The following PLCB3 variants were observed in gnomAD, a reference collection of about 807,000 sequenced individuals.
The protein encoded by PLCB3 is phospholipase C beta 3, also known as 1-phosphatidylinositol 4,5-bisphosphate phosphodiesterase beta-3.
Under a neutral mutation model 152.1 loss-of-function variants are expected in PLCB3, and 54 were observed. The observed-to-expected ratio is 0.36, with a 90% CI of 0.29 to 0.45. The LOEUF (loss-of-function observed/expected upper bound fraction) is 0.45. PLCB3 is among the 20% of genes least tolerant of loss of function. PLCB3 has a pLI of 1.00. For synonymous variants in PLCB3, 717 were observed against 698.7 expected, an observed-to-expected ratio of 1.03 and a Z score of -0.41; for missense variants, 1,248 against 1,687.5, an observed-to-expected ratio of 0.74 and a Z score of 4.56.
At chr11:64,267,969 G>GT (rs1044523556), downstream of PLCB3, 9 of 170,578 alleles carry the variant, frequency 5.3e-5, no homozygotes, top group Admixed American at 5.2e-4. This position sits in a 1 kb window ranked among gnomAD's most constrained non-coding sequence, Gnocchi z 5.2. Flanking sequence ...TGGGCCCTAA[G>GT]TTTCCTCATC....
Position 64,263,806 on chromosome 11 carries a change from G to T in PLCB3, c.2560+11G>T, listed in dbSNP as rs750293277. On this transcript the variant is annotated intron_variant, in intron 21 of 30. Transcript: ENST00000279230. The stretch of plus-strand genomic sequence containing the variant: ...CTGACGACCACCAGGGTGAGCTGGG[G>T]GTGGGCGGGGCCTGCCTGGCCAGGG... 2 of 1,606,084 alleles carry T rather than the reference G, an allele frequency of 1.2e-6. No homozygotes were observed. The highest frequency in any genetic ancestry group is 3.3e-5 in the Admixed American group (2 of 60,002).
intron 1 of PLCB3, 35 bp downstream of exon 1, chr11:64,251,783 G>A (rs2031214642): frequency 8.0e-7 from 1 of 1,243,630 alleles, no homozygotes; most frequent in Non-Finnish European, 1.1e-6. Flanking sequence ...CCCAAATCCC[G>A]GGACTCTTTC....
Position 64,260,053 on chromosome 11 carries a change from C to G in PLCB3, c.1550C>G (p.Pro517Arg). ...GGGTCTCCCAGCTCTGACAGCTGCC[C>G]AGGCCTGAGCAATGGGGAGGAGGTA... ...QLGSPSSDSC[P>R]GLSNGEEVGL... Residue 517 changes from proline (P) to arginine (R), a missense_variant, in exon 14 of 31, where the codon CCA (proline) becomes CGA (arginine). Pro to Arg is a moderately radical substitution (Grantham distance 103, BLOSUM62 -2). Transcript: ENST00000279230. 3 of 1,611,356 alleles carry G rather than the reference C, an allele frequency of 1.9e-6. No homozygotes were observed. The highest frequency in any genetic ancestry group is 1.1e-5 in the South Asian group (1 of 90,732).
Position 64,266,305 on chromosome 11 carries a change from G to T in PLCB3, c.3267-10G>T. 1 of 1,613,606 alleles carries T rather than the reference G, an allele frequency of 6.2e-7. No individual in the cohort carries two copies. The highest frequency in any genetic ancestry group is 8.5e-7 in the Non-Finnish European group (1 of 1,179,894). On this transcript the variant is annotated splice_polypyrimidine_tract_variant and intron_variant, in intron 27 of 30. Transcript: ENST00000279230. This position sits in a 1 kb window ranked among gnomAD's most constrained non-coding sequence, Gnocchi z 4.9. Reference sequence around the variant, plus strand: ...GCTGACCCCTCCTCTTCCCCTGCCGGCTTCTCCAGGGAGAAGAAGGAGCTG... The same window carrying T: ...GCTGACCCCTCCTCTTCCCCTGCCGTCTTCTCCAGGGAGAAGAAGGAGCTG...
At chr11:64,267,970 T>A (rs2032216295), downstream of PLCB3, 1 of 169,434 alleles carries the variant, frequency 5.9e-6, no homozygotes, top group Admixed American at 5.8e-5. The surrounding 1 kb of genome is among the most constrained non-coding windows in gnomAD (Gnocchi z 5.2). Context: ...GGGCCCTAAG[T>A]TTCCTCATCT....
At chr11:64,257,493 T>C (rs981726649) in intron 10 of PLCB3, among the ~76,000 whole-genome samples, 1 of 152,016 alleles carries the variant, frequency 6.6e-6, no homozygotes, top group Admixed American at 6.6e-5. Context: ...GGCGCATGCC[T>C]GTGGTCCTAG....
At chr11:64,259,325 A>G in intron 13 of PLCB3, 81 bp downstream of exon 13, 2 of 1,171,944 alleles carry the variant, frequency 1.7e-6, no homozygotes, top group Non-Finnish European at 2.3e-6. Context: ...ACTTCATCCC[A>G]GACCCCCAGC....
At position 64,267,106 on chromosome 11, in the gene PLCB3, C is replaced by A; in HGVS notation, c.3415-79C>A. 1 of 1,350,714 alleles carries A rather than the reference C, an allele frequency of 7.4e-7. No homozygotes were observed. Among genetic ancestry groups the A allele is most frequent in the Non-Finnish European group, 1.0e-6 (1 of 967,604 alleles). 83.7% of individuals were successfully genotyped at this position (1,350,714 alleles called of 1,614,324 possible). A position where few individuals can be genotyped will look rare whatever the true frequency, so the allele number is the denominator to read the frequency against. Reference sequence around the variant, plus strand: ...ACTGCACCCGGCCTCGCCCACCTGACTTCTATACCCAGCCAGAGCCTCGAG... The same window carrying A: ...ACTGCACCCGGCCTCGCCCACCTGAATTCTATACCCAGCCAGAGCCTCGAG... On this transcript the variant is annotated intron_variant, in intron 29 of 30. Transcript: ENST00000279230. The surrounding 1 kb of genome is among the most constrained non-coding windows in gnomAD (Gnocchi z 5.2).
intron 10 of PLCB3, among the ~76,000 whole-genome samples, chr11:64,257,041 G>A (rs1190973779): frequency 1.0e-5 from 1 of 97,398 alleles, no homozygotes; most frequent in African/African-American, 4.4e-5. Flanking sequence ...TTTCGCTCTT[G>A]TTGCCCAGGC....
At chr11:64,253,418 G>A (rs1003493460) in intron 1 of PLCB3, among the ~76,000 whole-genome samples, 3 of 152,224 alleles carry the variant, frequency 2.0e-5, no homozygotes, top group Non-Finnish European at 4.4e-5. Flanking sequence ...GATGCTAGGT[G>A]CATAGAACTG....
chr11:64,260,117 G>A lies in PLCB3; in HGVS notation c.1614G>A (p.Leu538=). Residue 538 remains leucine (L), a synonymous_variant, in exon 14 of 31, where the codon CTG becomes CTA. Transcript: ENST00000279230. ...CCAGCCTGGAGCCTCAGAAGTCTCT[G>A]GGTGACGAGGGCCTGAACCGAGGCC... The part of the protein sequence containing the change: ...EKPSLEPQKS[L]GDEGLNRGPY... 6.2e-7 allele frequency: 1 copy of A among 1,612,042 alleles called. No individual in the cohort carries two copies. The highest frequency in any genetic ancestry group is 8.5e-7 in the Non-Finnish European group (1 of 1,179,336).
rs758373860 is a variant in PLCB3, at chr11:64,254,937, G to A, written c.286G>A (p.Asp96Asn). 1.1e-5 allele frequency: 18 copies of A among 1,603,092 alleles called. No homozygotes were observed. Among genetic ancestry groups the A allele is most frequent in the South Asian group, 1.1e-4 (10 of 89,786 alleles). Residue 96 changes from aspartate (D) to asparagine (N), a missense_variant, in exon 4 of 31, where the codon GAT becomes AAT. Physicochemically the swap from Asp to Asn is conservative, Grantham distance 23. Coordinates refer to ENST00000279230, the MANE Select transcript of PLCB3 (RefSeq NM_000932.5). ...GGAAGTTCTGGGCTTTGGGGGTCCCGATGCCCGGCTGGAGGAGAAGCTGAT... is the reference window on the plus strand; with the variant it reads ...GGAAGTTCTGGGCTTTGGGGGTCCCAATGCCCGGCTGGAGGAGAAGCTGAT... ...IREVLGFGGP[D>N]ARLEEKLMTV...
chr11:64,262,362 C>T (rs2031894771), intron 17 of PLCB3, 45 bp from the exon 18 acceptor site: 1 of 1,601,806 alleles, frequency 6.2e-7, no homozygotes, highest in Non-Finnish European at 8.5e-7. Flanking sequence ...ATGGCACCGT[C>T]CTGCCTGATC....
At position 64,267,267 on chromosome 11, in the gene PLCB3, C is replaced by G. The variant is rs1199775804; in HGVS notation, c.3497C>G (p.Pro1166Arg). 2.1e-5 allele frequency: 33 copies of G among 1,550,970 alleles called. No individual in the cohort carries two copies. The highest frequency in any genetic ancestry group is 2.7e-5 in the Non-Finnish European group (31 of 1,146,960). The part of the protein sequence containing the change: ...QVLQQLAEEE[P>R]KLLAQLAQEC... ...CTGCAACAGCTGGCAGAAGAGGAGC[C>G]CAAGGTGAGGCCATGGGCGAACAGG... The change falls in exon 30 of 31, where the codon CCC becomes CGC. Residue 1166 changes from proline to arginine, a missense_variant. By Grantham distance (103) the Pro-to-Arg change is moderately radical. Around this residue, in one of 6 missense-constraint regions of PLCB3, gnomAD observed 477 missense variants for 489.6 expected, o/e 0.97. Coordinates refer to ENST00000279230, the MANE Select transcript of PLCB3 (RefSeq NM_000932.5). The surrounding 1 kb of genome is among the most constrained non-coding windows in gnomAD (Gnocchi z 5.2).
At position 64,267,380 on chromosome 11, in the gene PLCB3, C is replaced by A; in HGVS notation, c.3529C>A (p.Gln1177Lys). The A allele has an allele frequency of 6.5e-7, 1 of 1,545,096 alleles. No individual in the cohort carries two copies. The change falls in exon 31 of 31, where the codon CAG becomes AAG. Residue 1177 changes from glutamine (Q) to lysine (K), a missense_variant. Physicochemically the swap from Gln to Lys is moderately conservative, Grantham distance 53. This residue lies in a region of PLCB3 where 477 missense variants were observed against 489.6 expected (regional missense o/e 0.97). Transcript: ENST00000279230. The surrounding 1 kb of genome is among the most constrained non-coding windows in gnomAD (Gnocchi z 5.2). ...KLLAQLAQEC[Q>K]EQRARLPQEI... ...GCTGGCCCAGCTGGCCCAGGAGTGT[C>A]AGGAGCAGCGGGCGAGGCTCCCCCA...
chr11:64,262,589 G>A lies in PLCB3; in HGVS notation c.2193+28G>A, dbSNP rs755311008. On this transcript the variant is annotated intron_variant, in intron 18 of 30. Coordinates refer to ENST00000279230, the MANE Select transcript of PLCB3 (RefSeq NM_000932.5). ...GGGGCTTGCGGGCGGCTCAGGCCAG[G>A]GGTGTCCTGGGGGCAGGACTCTCAG... is the stretch of plus-strand genomic sequence containing the variant. 16 of 1,612,584 alleles carry A rather than the reference G, an allele frequency of 9.9e-6. No individual in the cohort carries two copies. In the Admixed American group the frequency reaches 2.7e-4, roughly 27 times the overall value.
Position 64,266,682 on chromosome 11 carries a change from C to T in PLCB3, c.3414+130C>T, listed in dbSNP as rs1475187915. 4.4e-5 allele frequency: 36 copies of T among 826,606 alleles called. No homozygotes were observed. Among genetic ancestry groups the T allele is most frequent in the Non-Finnish European group, 7.2e-5 (36 of 498,938 alleles). 51.2% of individuals were successfully genotyped at this position (826,606 alleles called of 1,614,324 possible). On this transcript the variant is annotated intron_variant, in intron 29 of 30. Transcript: ENST00000279230. The surrounding 1 kb of genome is among the most constrained non-coding windows in gnomAD (Gnocchi z 4.9). Reference sequence around the variant, plus strand: ...AGGGCCTTTCTCAAGTGCCCAACAGCCCCAGGGTACCCACATCATACCCAA... The same window carrying T: ...AGGGCCTTTCTCAAGTGCCCAACAGTCCCAGGGTACCCACATCATACCCAA...
chr11:64,258,141 G>A lies in PLCB3; in HGVS notation c.1013-332G>A, dbSNP rs187154436. On this transcript the variant is annotated intron_variant, in intron 10 of 30. Transcript: ENST00000279230. The surrounding 1 kb of genome is among the most constrained non-coding windows in gnomAD (Gnocchi z 7.2). Reference sequence around the variant, plus strand: ...TGCACTCCAGCCTGGGTGACAGAGCGAGGTTCCGTCTCAAAAAAAAAAAAA... The same window carrying A: ...TGCACTCCAGCCTGGGTGACAGAGCAAGGTTCCGTCTCAAAAAAAAAAAAA... 6.7e-5 allele frequency among the ~76,000 whole-genome samples: 10 copies of A among 149,374 alleles called. No homozygotes were observed. Among genetic ancestry groups the A allele is most frequent in the Non-Finnish European group, 1.3e-4 (9 of 67,044 alleles).
At chr11:64,268,521 C>G (rs181215886), downstream of PLCB3, 2 of 152,392 alleles carry the variant, frequency 1.3e-5, no homozygotes, top group East Asian at 1.9e-4. Flanking sequence ...GACTGAGGCC[C>G]GGAGCCATCT....
Sources: gnomAD v4.1 joint callset for allele counts (sites outside exome capture counted in the v4.1 genomes callset) on GRCh38, gnomAD v4.1.1 for gene constraint, gnomAD v4.1.1 regional missense constraint, Gnocchi (gnomAD v3.1) non-coding constraint, MANE v1.5 for transcripts, NCBI Gene and HGNC (gene_info 2026-07-23, HGNC 2026-07-21) for gene names.